IL1RAPL1: variants seen among roughly 807,000 people sequenced by gnomAD.
IL1RAPL1 encodes interleukin-1 receptor accessory protein-like 1.
In IL1RAPL1, 3 loss-of-function variants were observed where a neutral mutation model predicts 48.4. The ratio of observed to expected loss-of-function variants is 0.06; its 90% CI spans 0.03 to 0.16. The LOEUF (loss-of-function observed/expected upper bound fraction) is 0.16. Among genes scored for constraint, IL1RAPL1 ranks in the 10% least tolerant of loss-of-function variants. The pLI is 1.00. For missense variants in IL1RAPL1, 349 were observed against 530.6 expected, an observed-to-expected ratio of 0.66 and a Z score of 3.36; for synonymous variants, 185 against 187.7, an observed-to-expected ratio of 0.99 and a Z score of 0.12.
intron 5 of IL1RAPL1, among the ~76,000 whole-genome samples, chrX:29,535,714 T>C (rs1346990800): frequency 1.8e-5 from 2 of 111,965 alleles, no homozygotes; most frequent in African/African-American, 6.5e-5. Flanking sequence ...ATTGAACTAG[T>C]ACTTAGTATG....
chrX:29,714,504 AG>A (rs762295454), intron 6 of IL1RAPL1, among the ~76,000 whole-genome samples: 19 of 112,288 alleles, frequency 1.7e-4, no homozygotes, highest in Non-Finnish European at 3.2e-4. Flanking sequence ...CTATTTGTGT[AG>A]GCATACTTCT....
intron 2 of IL1RAPL1, among the ~76,000 whole-genome samples, chrX:29,206,083 T>C (rs1930660478): frequency 9.0e-6 from 1 of 111,612 alleles, no homozygotes; most frequent in Non-Finnish European, 1.9e-5. Context: ...TTATTAGTAC[T>C]GAATAAGTAC....
chrX:29,681,101 A>C (rs181461308), intron 6 of IL1RAPL1, among the ~76,000 whole-genome samples: 62 of 112,376 alleles, frequency 5.5e-4, no homozygotes, highest in African/African-American at 1.5e-3. Context: ...TGGGGAAAAC[A>C]TTTTCTACCT....
intron 2 of IL1RAPL1, among the ~76,000 whole-genome samples, chrX:29,090,099 G>A (rs192003745): frequency 3.7e-4 from 40 of 107,568 alleles, no homozygotes; most frequent in African/African-American, 1.3e-3. Context: ...AATGTTCTGG[G>A]GTGCATATCT....
intron 2 of IL1RAPL1, among the ~76,000 whole-genome samples, chrX:29,102,167 A>G (rs1928354003): frequency 9.0e-6 from 1 of 110,984 alleles, no homozygotes; most frequent in Non-Finnish European, 1.9e-5. Context: ...GTATAGATGG[A>G]ACGTACTTCA....
At chrX:29,572,612 C>G (rs897638026) in intron 5 of IL1RAPL1, among the ~76,000 whole-genome samples, 2 of 112,312 alleles carry the variant, frequency 1.8e-5, no homozygotes, top group African/African-American at 6.5e-5. Context: ...AGATTTTACA[C>G]CAAGTGAATG....
chrX:29,766,370 TAGATAG>T (rs1187770668), intron 6 of IL1RAPL1, among the ~76,000 whole-genome samples: 16 of 93,388 alleles, frequency 1.7e-4, no homozygotes, highest in African/African-American at 6.5e-4. Flanking sequence ...TATAGATAGA[TAGATAG>T]ATAGATAGAT....
intron 2 of IL1RAPL1, among the ~76,000 whole-genome samples, chrX:28,939,164 C>T (rs1399418471): frequency 9.0e-6 from 1 of 110,981 alleles, no homozygotes; most frequent in Non-Finnish European, 1.9e-5. Flanking sequence ...ACCATTCACT[C>T]AGCAATTCCA....
chrX:29,600,991 A>T (rs756510931), intron 5 of IL1RAPL1, among the ~76,000 whole-genome samples: 1 of 111,082 alleles, frequency 9.0e-6, no homozygotes, highest in Non-Finnish European at 1.9e-5. Flanking sequence ...GCCCCAGACC[A>T]TGAGCCTCCC....
chrX:29,638,913 G>A (rs915756863), intron 5 of IL1RAPL1, among the ~76,000 whole-genome samples: 4 of 112,255 alleles, frequency 3.6e-5, no homozygotes, highest in Non-Finnish European at 7.5e-5. Context: ...AAGGCCAGGC[G>A]CGGTGGCTCA....
chrX:28,962,280 C>T (rs979323964), intron 2 of IL1RAPL1, among the ~76,000 whole-genome samples: 4 of 111,831 alleles, frequency 3.6e-5, no homozygotes, highest in South Asian at 3.7e-4. Flanking sequence ...TTTTCTAGTC[C>T]GCTTACACAT....
At chrX:28,677,114 A>G (rs1211497225) in intron 1 of IL1RAPL1, among the ~76,000 whole-genome samples, 1 of 112,233 alleles carries the variant, frequency 8.9e-6, no homozygotes, top group African/African-American at 3.2e-5. Context: ...ATTTTATTGT[A>G]TGATAATGAG....
chrX:29,536,020 T>C lies in IL1RAPL1; in HGVS notation c.704-132410T>C, dbSNP rs147736208. Among the ~76,000 whole-genome samples, 710 of 112,215 alleles carry C rather than the reference T, an allele frequency of 6.3e-3. 4 individuals carry two copies. Among genetic ancestry groups the C allele is most frequent in the Non-Finnish European group, 1.0e-2 (531 of 53,157 alleles). The stretch of plus-strand genomic sequence containing the variant: ...GTTGTATAAGAGCACAACCTATGGT[T>C]GTAACCAATGGTTAACAATCATTAA... On this transcript the variant is annotated intron_variant, in intron 5 of 10. Coordinates refer to ENST00000378993, the MANE Select transcript of IL1RAPL1 (RefSeq NM_014271.4).
intron 5 of IL1RAPL1, among the ~76,000 whole-genome samples, chrX:29,459,264 C>T (rs16988558): frequency 0.1 from 11,109 of 111,569 alleles, 952 homozygotes; most frequent in African/African-American, 0.27. Context: ...TTTATGAACA[C>T]TGAGCATTTC....
chrX:29,807,966 C>G lies in IL1RAPL1; in HGVS notation c.779-109498C>G, dbSNP rs375923413. On this transcript the variant is annotated intron_variant, in intron 6 of 10. Transcript: ENST00000378993. ...TAAAGTAATAAGATACAATCTTTCA[C>G]CTGATAATTTTGTCAAAAATATTAG... Among the ~76,000 whole-genome samples, 419 of 111,721 alleles carry G rather than the reference C, an allele frequency of 3.8e-3. 3 individuals are homozygous for G. Among genetic ancestry groups the G allele is most frequent in the African/African-American group, 0.013 (397 of 30,837 alleles).
At chrX:29,390,092 T>G (rs187240531) in intron 3 of IL1RAPL1, among the ~76,000 whole-genome samples, 18 of 112,461 alleles carry the variant, frequency 1.6e-4, no homozygotes, top group African/African-American at 5.8e-4. Context: ...GAAATAAACT[T>G]TCAAAGTATA....
chrX:29,294,802 G>A (rs1932425603), intron 3 of IL1RAPL1, among the ~76,000 whole-genome samples: 1 of 111,387 alleles, frequency 9.0e-6, no homozygotes, highest in Non-Finnish European at 1.9e-5. Flanking sequence ...CAAAGAAAAA[G>A]CTACAATATA....
chrX:28,625,588 G>GT (rs1305549728), intron 1 of IL1RAPL1, among the ~76,000 whole-genome samples: 2 of 111,891 alleles, frequency 1.8e-5, no homozygotes, highest in Non-Finnish European at 3.8e-5. Flanking sequence ...AGAGAGCCAG[G>GT]TGTGCTGAAT....
chrX:29,212,234 G>A (rs781482807), intron 2 of IL1RAPL1, among the ~76,000 whole-genome samples: 55 of 110,892 alleles, frequency 5.0e-4, no homozygotes, highest in African/African-American at 1.7e-3. Context: ...GCTGACCCTC[G>A]AATAACATGG....
Sources: allele counts gnomAD v4.1 joint callset (sites outside exome capture counted in the v4.1 genomes callset), GRCh38; gene constraint gnomAD v4.1.1; transcripts MANE v1.5; gene names NCBI Gene and HGNC (gene_info 2026-07-23, HGNC 2026-07-21).